The following CDIN1 variants were observed in gnomAD, a reference collection of about 807,000 sequenced individuals.
The protein encoded by CDIN1 is CDAN1-interacting nuclease 1.
A neutral mutation model predicts 45.3 loss-of-function variants in CDIN1; 33 were observed. The ratio of observed to expected loss-of-function variants is 0.73; its 90% CI spans 0.55 to 0.97. The LOEUF is 0.97. Among genes scored for constraint, CDIN1 ranks in the 50% least tolerant of loss-of-function variants. The probability of loss-of-function intolerance (pLI) is 0.00; values close to 1 mark genes in which losing one functional copy is unlikely to be tolerated. For synonymous variants in CDIN1, 118 were observed against 124.4 expected (o/e 0.95, Z 0.34); for missense variants, 303 against 339.4 (o/e 0.89, Z 0.84).
chr15:36,736,196 C>A (rs1320201937), intron 10 of CDIN1, among the ~76,000 whole-genome samples: 1 of 152,142 alleles, frequency 6.6e-6, no homozygotes, highest in African/African-American at 2.4e-5. Flanking sequence ...ACCCCCATTT[C>A]TCTCTCTGTT....
intron 10 of CDIN1, among the ~76,000 whole-genome samples, chr15:36,783,259 T>C (rs996989478): frequency 6.6e-6 from 1 of 152,184 alleles, no homozygotes; most frequent in African/African-American, 2.4e-5. Context: ...ACAAAGATGA[T>C]TAAGGCGGTC....
intron 1 of CDIN1, among the ~76,000 whole-genome samples, chr15:36,628,906 A>G (rs1316893477): frequency 6.6e-6 from 1 of 152,192 alleles, no homozygotes; most frequent in Non-Finnish European, 1.5e-5. Context: ...TCCTGAGAAG[A>G]GCAAGGTAGA....
chr15:36,766,950 A>G (rs2053940370), intron 10 of CDIN1, among the ~76,000 whole-genome samples: 1 of 152,048 alleles, frequency 6.6e-6, no homozygotes, highest in Non-Finnish European at 1.5e-5. Context: ...ACGTAGTCTC[A>G]AGTGTCTATT....
In CDIN1 at chr15:36,717,195, A is replaced by G. The variant is rs572460401; in HGVS notation, c.716+7234A>G. Among the ~76,000 whole-genome samples, 22 of 152,360 alleles carry G rather than the reference A, an allele frequency of 1.4e-4. No individual in the cohort carries two copies. In the East Asian group the frequency reaches 4.2e-3, roughly 29 times the overall value. ...TTTATTGCGGTATAACTGACACAGA[A>G]TAAACTCATATTTAAAGAGTACAAT... is the stretch of plus-strand genomic sequence containing the variant. On this transcript the variant is annotated intron_variant, in intron 10 of 10. Coordinates refer to ENST00000566621, the MANE Select transcript of CDIN1 (RefSeq NM_001321759.2).
At chr15:36,615,256 GATC>G (rs2038837232) in intron 1 of CDIN1, among the ~76,000 whole-genome samples, 1 of 152,140 alleles carries the variant, frequency 6.6e-6, no homozygotes, top group South Asian at 2.1e-4. Flanking sequence ...GCAGTTTGTT[GATC>G]TTTTAAAGTT....
chr15:36,752,247 G>T (rs1271157092), intron 10 of CDIN1, among the ~76,000 whole-genome samples: 1 of 152,094 alleles, frequency 6.6e-6, no homozygotes, highest in Non-Finnish European at 1.5e-5. Flanking sequence ...ATTTATGCAG[G>T]ATAACTGTCC....
Position 36,644,244 on chromosome 15 carries a change from G to A in CDIN1, c.102-34G>A, listed in dbSNP as rs762909705. On this transcript the variant is annotated intron_variant, in intron 1 of 10. Coordinates refer to ENST00000566621, the MANE Select transcript of CDIN1 (RefSeq NM_001321759.2). ...TTTTGTTTCTTTGCCGTGCACTCCAGTAATTAACTTTGTCCTTCTTTTATT... is the reference window on the plus strand; with the variant it reads ...TTTTGTTTCTTTGCCGTGCACTCCAATAATTAACTTTGTCCTTCTTTTATT... The A allele has an allele frequency of 3.1e-6, 5 of 1,609,090 alleles. No homozygotes were observed. The East Asian group carries it at 8.9e-5, about 29-fold the overall frequency.
intron 6 of CDIN1, among the ~76,000 whole-genome samples, 156 bp downstream of exon 6, chr15:36,691,920 C>A (rs2042266467): frequency 6.9e-6 from 1 of 145,598 alleles, no homozygotes; most frequent in Non-Finnish European, 1.5e-5. Flanking sequence ...AAGAGCATTT[C>A]ACTTTTTAAT....
chr15:36,685,431 T>C (rs2042006225), intron 5 of CDIN1, among the ~76,000 whole-genome samples: 2 of 151,948 alleles, frequency 1.3e-5, no homozygotes, highest in Non-Finnish European at 2.9e-5. Context: ...TTGATTGCAC[T>C]GTGGTCTGAG....
rs184507958 is a variant in CDIN1 at position 36,667,634 on chromosome 15, G to A, written c.346+9729G>A. The stretch of plus-strand genomic sequence containing the variant: ...AGAGAATCAATAAAACCAATATTAC[G>A]TCACAGTTTGAGAATTTAGGAATTC... On this transcript the variant is annotated intron_variant, in intron 5 of 10. Transcript: ENST00000566621. 3.6e-3 allele frequency among the ~76,000 whole-genome samples: 548 copies of A among 152,212 alleles called. 1 individual carries two copies. Among genetic ancestry groups the A allele is most frequent in the Admixed American group, 6.0e-3 (91 of 15,286 alleles).
intron 2 of CDIN1, 51 bp from the exon 3 acceptor site, chr15:36,645,172 C>T: frequency 7.3e-7 from 1 of 1,373,310 alleles, no homozygotes; most frequent in Non-Finnish European, 1.0e-6. Flanking sequence ...TTTTGAACCT[C>T]ATCTGTGACA....
intron 10 of CDIN1, among the ~76,000 whole-genome samples, chr15:36,745,453 C>G (rs2044386055): frequency 6.6e-6 from 1 of 152,056 alleles, no homozygotes; most frequent in East Asian, 1.9e-4. Flanking sequence ...CTATTACTTT[C>G]CAAAAATATG....
At chr15:36,766,277 G>A (rs1240921627) in intron 10 of CDIN1, among the ~76,000 whole-genome samples, 2 of 152,084 alleles carry the variant, frequency 1.3e-5, no homozygotes, top group Non-Finnish European at 2.9e-5. Context: ...CTGTATGTAT[G>A]TACTACGTAT....
chr15:36,640,544 T>A (rs2040065909), intron 1 of CDIN1: 3 of 776,192 alleles, frequency 3.9e-6, no homozygotes, highest in Non-Finnish European at 4.7e-6. Flanking sequence ...TTAAGCTTCC[T>A]AGATTCTATA....
At chr15:36,751,791 T>A (rs1477006181) in intron 10 of CDIN1, among the ~76,000 whole-genome samples, 5 of 152,098 alleles carry the variant, frequency 3.3e-5, no homozygotes, top group Admixed American at 6.6e-5. Context: ...ATGTGGTACA[T>A]ATACACCATG....
At chr15:36,763,471 G>T (rs1285826933) in intron 10 of CDIN1, among the ~76,000 whole-genome samples, 2 of 152,086 alleles carry the variant, frequency 1.3e-5, no homozygotes, top group African/African-American at 4.8e-5. Flanking sequence ...TGCACCTCAT[G>T]GGAGTTCAGG....
At chr15:36,667,042 C>A (rs2041275288) in intron 5 of CDIN1, among the ~76,000 whole-genome samples, 1 of 152,172 alleles carries the variant, frequency 6.6e-6, no homozygotes, top group Admixed American at 6.5e-5. Context: ...CAATGTGATT[C>A]CAGAGCCTGT....
chr15:36,586,192 G>GTT (rs10691719), intron 1 of CDIN1, among the ~76,000 whole-genome samples: 3,024 of 140,216 alleles, frequency 0.022, 118 homozygotes, highest in African/African-American at 0.069. Flanking sequence ...TTACCTTTGA[G>GTT]TTTTTTTTTT....
At chr15:36,701,110 ATAGATAGGTAGG>A (rs1481625138) in intron 8 of CDIN1, among the ~76,000 whole-genome samples, 10 of 84,484 alleles carry the variant, frequency 1.2e-4, no homozygotes, top group South Asian at 4.6e-4. Context: ...AGATAGATAG[ATAGATAGGTAGG>A]TAGATAGATA....
Sources: allele counts gnomAD v4.1 joint callset (sites outside exome capture counted in the v4.1 genomes callset), GRCh38; gene constraint gnomAD v4.1.1; transcripts MANE v1.5; gene names NCBI Gene and HGNC (gene_info 2026-07-23, HGNC 2026-07-21).